JAK3: variants seen among roughly 807,000 people sequenced by gnomAD.
JAK3 encodes the protein Janus kinase 3.
JAK3 carries 88 observed loss-of-function variants against 120.8 expected under a neutral mutation model. That is an observed-to-expected ratio of 0.73 (90% confidence interval 0.61 to 0.87). The LOEUF (loss-of-function observed/expected upper bound fraction) is 0.87, where lower values mean the gene tolerates loss of function less well. Among genes scored for constraint, JAK3 ranks in the 40% least tolerant of loss-of-function variants. The pLI is 0.00. For synonymous variants in JAK3, 592 were observed against 628.6 expected, an observed-to-expected ratio of 0.94 and a Z score of 0.87; for missense variants, 1,254 against 1,501.4, an observed-to-expected ratio of 0.84 and a Z score of 2.72.
At position 17,842,628 on chromosome 19, in the gene JAK3, G is replaced by A. The variant is rs751638368; in HGVS notation, c.567-18C>T. ...CCTTGTAGCTGCAGGGGTTGGAGGG[G>A]AGGGAGCCGGCCCTCAGCGTCGGGA... is the stretch of plus-strand genomic sequence containing the variant. On this transcript the variant is annotated intron_variant, in intron 5 of 23. Transcript: ENST00000458235. The surrounding 1 kb of genome is among the most constrained non-coding windows in gnomAD (Gnocchi z 6.4). The A allele has an allele frequency of 5.2e-6, 8 of 1,546,104 alleles. No individual in the cohort carries two copies. The highest frequency in any genetic ancestry group is 1.2e-5 in the South Asian group (1 of 83,256).
Position 17,842,673 on chromosome 19 carries a change from A to C in JAK3, c.567-63T>G. The C allele has an allele frequency of 6.9e-7, 1 of 1,453,716 alleles. No homozygotes were observed. The highest frequency in any genetic ancestry group is 9.2e-7 in the Non-Finnish European group (1 of 1,089,428). 90.1% of individuals were successfully genotyped at this position (1,453,716 alleles called of 1,614,324 possible). A position where few individuals can be genotyped will look rare whatever the true frequency, so the allele number is the denominator to read the frequency against. ...TCGGGAGGGGTCCCCGCGGGGACAC[A>C]CACAAACCCAGGCTTTAGCCCAGGG... is the stretch of plus-strand genomic sequence containing the variant. On this transcript the variant is annotated intron_variant, in intron 5 of 23. Transcript: ENST00000458235. The surrounding 1 kb of genome is among the most constrained non-coding windows in gnomAD (Gnocchi z 6.4).
In JAK3 at chr19:17,843,298, G is replaced by A. The variant is rs2094244576; in HGVS notation, c.420+82C>T. On this transcript the variant is annotated intron_variant, in intron 4 of 23. Coordinates refer to ENST00000458235, the MANE Select transcript of JAK3 (RefSeq NM_000215.4). This position sits in a 1 kb window ranked among gnomAD's most constrained non-coding sequence, Gnocchi z 5.4. ...GACTGCCACAGGGAGGGTCAGACGA[G>A]GCCCCACCTGATTGCATGCCAGTCC... 1.3e-6 allele frequency: 2 copies of A among 1,522,268 alleles called. No individual in the cohort carries two copies. Among genetic ancestry groups the A allele is most frequent in the East Asian group, 2.4e-5 (1 of 40,834 alleles). The allele number at this position is 1,522,268 out of a possible 1,614,324, so 94.3% of individuals were successfully genotyped here.
chr19:17,831,238 G>T lies in JAK3; in HGVS notation c.2968C>A (p.Pro990Thr). 1 of 1,612,448 alleles carries T rather than the reference G, an allele frequency of 6.2e-7. No homozygotes were observed. ...GCGCGGGTTCCCCACCAGAAAATGG[G>T]GCTCTGGCCTGGCTCGCGGACCACG... Reference protein sequence around the residue: ...YYVVREPGQSPIFWYAPESLS... With the variant: ...YYVVREPGQSTIFWYAPESLS... The change falls in exon 21 of 24, where the codon CCC (proline) becomes ACC (threonine). Residue 990 changes from proline to threonine, a missense_variant. Pro to Thr is a conservative substitution (Grantham distance 38). Transcript: ENST00000458235. The surrounding 1 kb of genome is among the most constrained non-coding windows in gnomAD (Gnocchi z 5.1).
At chr19:17,840,104 GT>G in intron 9 of JAK3, 125 bp downstream of exon 9, 1 of 727,518 alleles carries the variant, frequency 1.4e-6, no homozygotes, top group Non-Finnish European at 2.5e-6. Flanking sequence ...ATGCTGTTCT[GT>G]TCACCGGGGG....
Position 17,843,463 on chromosome 19 carries a change from C to T in JAK3, c.337G>A (p.Glu113Lys). 1 of 1,598,686 alleles carries T rather than the reference C, an allele frequency of 6.3e-7. No homozygotes were observed. Among genetic ancestry groups the T allele is most frequent in the South Asian group, 1.1e-5 (1 of 88,950 alleles). ...CGTAGCCCGAAGCGGTGGCACTTCT[C>T]CAGCCCAAACCAATTGGGGAAGTAA... ...RFYFPNWFGL[E>K]KCHRFGLRKD... The change falls in exon 4 of 24, where the codon GAG becomes AAG. Residue 113 changes from glutamate to lysine, a missense_variant. Glu to Lys is a moderately conservative substitution (Grantham distance 56). Coordinates refer to ENST00000458235, the MANE Select transcript of JAK3 (RefSeq NM_000215.4). The surrounding 1 kb of genome is among the most constrained non-coding windows in gnomAD (Gnocchi z 5.4).
rs2147697885 is a variant in JAK3, at chr19:17,842,550, C to T, written c.627G>A (p.Thr209=). ...GCACCGTCCTCCGAATACGCCTCCG[C>T]GTCACGAAGCTCAGGCCCTGGATCA... ...RDLIQGLSFV[T]RRRIRRTVRR... is the part of the protein sequence containing the mutation. The change falls in exon 6 of 24, where the codon ACG becomes ACA. Residue 209 remains threonine, a synonymous_variant. Coordinates refer to ENST00000458235, the MANE Select transcript of JAK3 (RefSeq NM_000215.4). The surrounding 1 kb of genome is among the most constrained non-coding windows in gnomAD (Gnocchi z 6.4). The T allele has an allele frequency of 1.3e-6, 2 of 1,587,230 alleles. No individual in the cohort carries two copies. Among genetic ancestry groups the T allele is most frequent in the Non-Finnish European group, 1.7e-6 (2 of 1,167,420 alleles).
chr19:17,840,609 A>G (rs1347056341), intron 8 of JAK3, among the ~76,000 whole-genome samples: 1 of 151,836 alleles, frequency 6.6e-6, no homozygotes, highest in African/African-American at 2.4e-5. Flanking sequence ...TGAAAATACA[A>G]AAAAATAGCC....
At chr19:17,845,655 A>G (rs1490751422) in intron 1 of JAK3, among the ~76,000 whole-genome samples, 2 of 152,164 alleles carry the variant, frequency 1.3e-5, no homozygotes, top group African/African-American at 4.8e-5. Context: ...AGGCTGAGAC[A>G]GGAGGATGCC....
chr19:17,837,976 C>T lies in JAK3; in HGVS notation c.1657G>A (p.Val553Met). 6.2e-7 allele frequency: 1 copy of T among 1,614,162 alleles called. No homozygotes were observed. The highest frequency in any genetic ancestry group is 8.5e-7 in the Non-Finnish European group (1 of 1,180,034). Residue 553 changes from valine to methionine, a missense_variant, in exon 12 of 24, where the codon GTG (valine) becomes ATG (methionine). Val to Met is a conservative substitution (Grantham distance 21, BLOSUM62 1). Transcript: ENST00000458235. ...VVDGEARKTE[V>M]LLKVMDAKHK... ...TTGGCATCCATGACCTTCAGCAGCA[C>T]CTCTGTCTTTCGGGCCTCCCCATCC...
In JAK3 at chr19:17,830,144, G is replaced by GA; in HGVS notation, c.3170_3171insT (p.Gln1058ProfsTer12). ...AGGCAGGAGGCGCCGGCAGCCTCTG[G>GA]CCCTCCTCCAGCAGTTCCAAGAGGC... On this transcript the variant is annotated frameshift_variant, in exon 23 of 24. Coordinates refer to ENST00000458235, the MANE Select transcript of JAK3 (RefSeq NM_000215.4). LOFTEE classifies it low-confidence loss of function (END_TRUNC). 6.3e-7 allele frequency: 1 copy of GA among 1,592,622 alleles called. No individual in the cohort carries two copies. The highest frequency in any genetic ancestry group is 8.5e-7 in the Non-Finnish European group (1 of 1,170,696).
chr19:17,830,659 A>G (rs754818035), intron 21 of JAK3, 39 bp from the exon 22 acceptor site: 1 of 1,541,646 alleles, frequency 6.5e-7, no homozygotes, highest in Non-Finnish European at 9.0e-7. Flanking sequence ...GAGGGTGTAG[A>G]AAGGACAGGA....
In JAK3 at chr19:17,843,403, C is replaced by T; in HGVS notation, c.397G>A (p.Val133Ile). ...ACCTGGGCAAAGAGGTGCTCCAGGA[C>T]TGGCAGGTCAAGGATAGCACTGGCC... ...DLASAILDLP[V>I]LEHLFAQHRS... is the part of the protein sequence containing the mutation. The change falls in exon 4 of 24, where the codon GTC (valine) becomes ATC (isoleucine). Residue 133 changes from valine (V) to isoleucine (I), a missense_variant. Coordinates refer to ENST00000458235, the MANE Select transcript of JAK3 (RefSeq NM_000215.4). The surrounding 1 kb of genome is among the most constrained non-coding windows in gnomAD (Gnocchi z 5.4). 2 of 1,596,280 alleles carry T rather than the reference C, an allele frequency of 1.3e-6. No homozygotes were observed. The highest frequency in any genetic ancestry group is 1.7e-6 in the Non-Finnish European group (2 of 1,171,794).
intron 23 of JAK3, chr19:17,829,855 G>A (rs2094210537): frequency 1.7e-6 from 1 of 592,350 alleles, no homozygotes; most frequent in Non-Finnish European, 3.0e-6. Flanking sequence ...ATAGGCACAG[G>A]TGTTCAGGAG....
chr19:17,826,723 C>G lies in JAK3; in HGVS notation c.*20G>C. On this transcript the variant is annotated 3_prime_UTR_variant, in exon 24 of 24. Transcript: ENST00000458235. ...ACAGCCAGTCAACAGAGACCTAATC[C>G]AGAGGTCTGCGGGCAGGAGCTATGA... 1 of 1,613,620 alleles carries G rather than the reference C, an allele frequency of 6.2e-7. No homozygotes were observed. Among genetic ancestry groups the G allele is most frequent in the Non-Finnish European group, 8.5e-7 (1 of 1,179,540 alleles).
chr19:17,830,416 G>C, intron 22 of JAK3, 87 bp downstream of exon 22: 1 of 1,120,530 alleles, frequency 8.9e-7, no homozygotes, highest in Non-Finnish European at 1.3e-6. Context: ...CCATGCTAAA[G>C]AGGGACGCAG....
In JAK3 at chr19:17,832,160, G is replaced by A. The variant is rs1053379603; in HGVS notation, c.2680+359C>T. Among the ~76,000 whole-genome samples, 10 of 152,162 alleles carry A rather than the reference G, an allele frequency of 6.6e-5. No homozygotes were observed. The highest frequency in any genetic ancestry group is 1.5e-5 in the Non-Finnish European group (1 of 68,044). Reference sequence around the variant, plus strand: ...TCCTGTAATCCCAGCTACTCTGGAGGCTGAGGCAGGAGAATCACTTGAACT... The same window carrying A: ...TCCTGTAATCCCAGCTACTCTGGAGACTGAGGCAGGAGAATCACTTGAACT... On this transcript the variant is annotated intron_variant, in intron 19 of 23. Transcript: ENST00000458235. The surrounding 1 kb of genome is among the most constrained non-coding windows in gnomAD (Gnocchi z 4.7).
rs753212117 is a variant in JAK3 at position 17,839,665 on chromosome 19, T to C, written c.1255-2A>G. On this transcript the variant is annotated splice_acceptor_variant, in intron 9 of 23. Transcript: ENST00000458235. LOFTEE classifies it high-confidence loss of function. ...CTTATAATCAGGACCAAGGGGGTTC[T>C]GCAAAGAAGAGTGGCCCCTGAGTGG... 3 of 1,608,522 alleles carry C rather than the reference T, an allele frequency of 1.9e-6. No individual in the cohort carries two copies. Among genetic ancestry groups the C allele is most frequent in the Non-Finnish European group, 8.5e-7 (1 of 1,178,344 alleles).
In JAK3 at chr19:17,841,728, A is replaced by G. The variant is rs571404212; in HGVS notation, c.896T>C (p.Val299Ala). The G allele has an allele frequency of 2.6e-5, 42 of 1,611,636 alleles. No homozygotes were observed. In the African/African-American group the frequency reaches 4.8e-4, roughly 18 times the overall value. The part of the protein sequence containing the change: ...LQPFCDFPEI[V>A]DISIKQAPRV... ...CGGGGCCTGCTTGATGCTAATGTCT[A>G]CGATTTCTGGAAAGTCGCAGAAGGG... Residue 299 changes from valine to alanine, a missense_variant, in exon 7 of 24, where the codon GTA becomes GCA. Coordinates refer to ENST00000458235, the MANE Select transcript of JAK3 (RefSeq NM_000215.4). This position sits in a 1 kb window ranked among gnomAD's most constrained non-coding sequence, Gnocchi z 4.1.
intron 16 of JAK3, 63 bp downstream of exon 16, chr19:17,834,789 T>C: frequency 1.2e-6 from 2 of 1,612,926 alleles, no homozygotes; most frequent in Non-Finnish European, 1.7e-6. Context: ...CCAGACTGGA[T>C]GTCAGTCTGC....
Sources: gnomAD v4.1 joint callset for allele counts (sites outside exome capture counted in the v4.1 genomes callset) on GRCh38, gnomAD v4.1.1 for gene constraint, Gnocchi (gnomAD v3.1) non-coding constraint, MANE v1.5 for transcripts, NCBI Gene and HGNC (gene_info 2026-07-23, HGNC 2026-07-21) for gene names.